Variants in ZFYVE28 observed in about 807,000 individuals in gnomAD.
ZFYVE28 encodes the protein zinc finger FYVE-type containing 28, also known as lateral signaling target protein 2 homolog.
In ZFYVE28, 40 loss-of-function variants were observed where a neutral mutation model predicts 82.1. The observed-to-expected ratio is 0.49, with a 90% CI of 0.38 to 0.63. The LOEUF is 0.63. Ranked by LOEUF, ZFYVE28 falls within the 30% of genes least tolerant of loss-of-function variation. The pLI is 0.00. For missense variants in ZFYVE28, 1,321 were observed against 1,242.1 expected, an observed-to-expected ratio of 1.06 and a Z score of -0.96; for synonymous variants, 612 against 546.1, an observed-to-expected ratio of 1.12 and a Z score of -1.68.
intron 1 of ZFYVE28, among the ~76,000 whole-genome samples, chr4:2,357,647 C>T (rs1578234592): frequency 6.6e-6 from 1 of 152,210 alleles, no homozygotes; most frequent in Non-Finnish European, 1.5e-5. Context: ...ACTGAGGTGG[C>T]CCGGAGCCCT....
chr4:2,286,857 T>A (rs1712822871), intron 8 of ZFYVE28: 1 of 152,186 alleles, frequency 6.6e-6, no homozygotes, highest in South Asian at 2.1e-4. Context: ...AAAATGTGAA[T>A]CTGCGACTGT....
At position 2,408,598 on chromosome 4, in the gene ZFYVE28, C is replaced by T. The variant is rs1732174402; in HGVS notation, c.39+9687G>A. On this transcript the variant is annotated intron_variant, in intron 1 of 12. Transcript: ENST00000290974. This position sits in a 1 kb window ranked among gnomAD's most constrained non-coding sequence, Gnocchi z 4.3. ...CCCAGTTGGGCCCCGCCCAGGTAAGCCCCATCTAGATGAAGCCCCACCCAG... is the reference window on the plus strand; with the variant it reads ...CCCAGTTGGGCCCCGCCCAGGTAAGTCCCATCTAGATGAAGCCCCACCCAG... 6.6e-6 allele frequency among the ~76,000 whole-genome samples: 1 copy of T among 152,092 alleles called. No individual in the cohort carries two copies. Among genetic ancestry groups the T allele is most frequent in the South Asian group, 2.1e-4 (1 of 4,824 alleles).
At chr4:2,347,628 C>G (rs1037192239) in intron 2 of ZFYVE28, among the ~76,000 whole-genome samples, 2 of 152,054 alleles carry the variant, frequency 1.3e-5, no homozygotes, top group African/African-American at 4.8e-5. Context: ...CTAGAAAAAT[C>G]CATAAATATT....
intron 12 of ZFYVE28, 163 bp from the exon 13 acceptor site, chr4:2,271,019 T>C: frequency 1.9e-6 from 2 of 1,056,212 alleles, no homozygotes; most frequent in Middle Eastern, 3.1e-4. Flanking sequence ...GGCTGGACTC[T>C]ATGAGGGGTC....
At chr4:2,366,816 T>A (rs1726942980) in intron 1 of ZFYVE28, among the ~76,000 whole-genome samples, 1 of 152,068 alleles carries the variant, frequency 6.6e-6, no homozygotes, top group African/African-American at 2.4e-5. Flanking sequence ...GGATGAGGCA[T>A]CCCCTATCAT....
chr4:2,409,896 G>A lies in ZFYVE28; in HGVS notation c.39+8389C>T, dbSNP rs192981637. Among the ~76,000 whole-genome samples the A allele has an allele frequency of 7.2e-5, 11 of 152,364 alleles. No individual in the cohort carries two copies. Among genetic ancestry groups the A allele is most frequent in the Admixed American group, 4.6e-4 (7 of 15,312 alleles). On this transcript the variant is annotated intron_variant, in intron 1 of 12. Coordinates refer to ENST00000290974, the MANE Select transcript of ZFYVE28 (RefSeq NM_020972.3). The surrounding 1 kb of genome is among the most constrained non-coding windows in gnomAD (Gnocchi z 4.4). The stretch of plus-strand genomic sequence containing the variant: ...CTTGAGGATCCATCTTCAGAGACCA[G>A]GAAGATGCCCCCGCCAGGTGGCCAC...
intron 8 of ZFYVE28, among the ~76,000 whole-genome samples, chr4:2,277,695 C>T (rs1178724227): frequency 2.0e-5 from 3 of 152,126 alleles, no homozygotes; most frequent in Non-Finnish European, 4.4e-5. Context: ...AGAAGACCTA[C>T]ATAAATGGGA....
At chr4:2,334,378 G>A (rs1019184879) in intron 6 of ZFYVE28, among the ~76,000 whole-genome samples, 22 of 151,964 alleles carry the variant, frequency 1.4e-4, no homozygotes, top group African/African-American at 2.4e-4. Context: ...AGGGGTGTTC[G>A]GCGCATCCTG....
At chr4:2,352,253 C>A (rs903028194) in intron 2 of ZFYVE28, among the ~76,000 whole-genome samples, 1 of 152,104 alleles carries the variant, frequency 6.6e-6, no homozygotes, top group African/African-American at 2.4e-5. Context: ...ACACCTGGAT[C>A]TGCGGGGAGG....
intron 1 of ZFYVE28, among the ~76,000 whole-genome samples, chr4:2,399,655 C>A (rs918667963): frequency 6.6e-6 from 1 of 152,240 alleles, no homozygotes. Context: ...TCACTGCCTC[C>A]TTCCGTTGCA....
intron 8 of ZFYVE28, among the ~76,000 whole-genome samples, chr4:2,282,949 C>G (rs1264816538): frequency 2.0e-5 from 3 of 152,136 alleles, no homozygotes; most frequent in African/African-American, 7.2e-5. Context: ...CAAAGAACAT[C>G]AAGAGTGACT....
intron 2 of ZFYVE28, chr4:2,343,494 A>T (rs987970658): frequency 2.6e-5 from 4 of 152,250 alleles, no homozygotes; most frequent in Non-Finnish European, 4.4e-5. Flanking sequence ...CAAAAAATAA[A>T]AATAAAATTC....
intron 8 of ZFYVE28, among the ~76,000 whole-genome samples, chr4:2,298,869 C>T (rs7684700): frequency 0.028 from 4,275 of 152,252 alleles, 196 homozygotes; most frequent in African/African-American, 0.097. Context: ...TTCCAGCCTC[C>T]TCCCGACTAG....
At chr4:2,377,122 C>T (rs183567897) in intron 1 of ZFYVE28, among the ~76,000 whole-genome samples, 2,311 of 151,768 alleles carry the variant, frequency 0.015, 60 homozygotes, top group African/African-American at 0.05. Context: ...CCCGGGTTCA[C>T]GCCATTCTCC....
intron 9 of ZFYVE28, 49 bp downstream of exon 9, chr4:2,274,013 G>A (rs747796724): frequency 1.2e-6 from 2 of 1,600,190 alleles, no homozygotes; most frequent in Non-Finnish European, 1.7e-6. Context: ...CTAAAGCGCA[G>A]CCCGTGTGTC....
chr4:2,271,357 G>T lies in ZFYVE28; in HGVS notation c.2486C>A (p.Pro829His). 2.0e-5 allele frequency: 33 copies of T among 1,612,838 alleles called. No homozygotes were observed. Among genetic ancestry groups the T allele is most frequent in the Non-Finnish European group, 2.8e-5 (33 of 1,179,962 alleles). The change falls in exon 12 of 13, where the codon CCC becomes CAC. Residue 829 changes from proline to histidine, a missense_variant. Around this residue, in one of 2 missense-constraint regions of ZFYVE28, gnomAD observed 978 missense variants for 833.7 expected, o/e 1.17. Transcript: ENST00000290974. ...ACGFCTACKA[P>H]FTVIRRKHHC... ...GTGCTTCCGGCGGATGACGGTGAAG[G>T]GTGCTTTGCACGCCGTGCAGAAGCC...
At chr4:2,297,177 C>G (rs1360157352) in intron 8 of ZFYVE28, among the ~76,000 whole-genome samples, 1 of 152,268 alleles carries the variant, frequency 6.6e-6, no homozygotes, top group African/African-American at 2.4e-5. Flanking sequence ...CAGCTACAAC[C>G]TGCCCTCCTC....
At chr4:2,330,500 A>C in intron 6 of ZFYVE28, 1 of 1,112,844 alleles carries the variant, frequency 9.0e-7, no homozygotes. Context: ...GGGACAGTGC[A>C]GAGGAGCACA....
intron 8 of ZFYVE28, among the ~76,000 whole-genome samples, chr4:2,301,372 G>A (rs12640733): frequency 0.29 from 44,002 of 152,066 alleles, 7,334 homozygotes; most frequent in Non-Finnish European, 0.37. Flanking sequence ...CTGGGCCCAG[G>A]CACTGACCTA....
Sources: gnomAD v4.1 joint callset for allele counts (sites outside exome capture counted in the v4.1 genomes callset) on GRCh38, gnomAD v4.1.1 for gene constraint, gnomAD v4.1.1 regional missense constraint, Gnocchi (gnomAD v3.1) non-coding constraint, MANE v1.5 for transcripts, NCBI Gene and HGNC (gene_info 2026-07-23, HGNC 2026-07-21) for gene names.